E2F3: variants seen among roughly 807,000 people sequenced by gnomAD.
The protein encoded by E2F3 is E2F transcription factor 3, also known as transcription factor E2F3.
Under a neutral mutation model 44.4 loss-of-function variants are expected in E2F3, and 11 were observed. The observed-to-expected ratio is 0.25, with a 90% CI of 0.16 to 0.41. The LOEUF (loss-of-function observed/expected upper bound fraction) is 0.41, where lower values mean the gene tolerates loss of function less well. Among genes scored for constraint, E2F3 ranks in the 10% least tolerant of loss-of-function variants. The probability of loss-of-function intolerance (pLI) is 1.00; values close to 1 mark genes in which losing one functional copy is unlikely to be tolerated. For synonymous variants in E2F3, 249 were observed against 253.0 expected, an observed-to-expected ratio of 0.98 and a Z score of 0.15; for missense variants, 487 against 583.6, an observed-to-expected ratio of 0.83 and a Z score of 1.70.
intron 1 of E2F3, among the ~76,000 whole-genome samples, chr6:20,439,723 G>A (rs890785173): frequency 5.9e-5 from 9 of 152,140 alleles, no homozygotes; most frequent in African/African-American, 2.2e-4. Flanking sequence ...TGTAGAGAGG[G>A]GTCTCACTAT....
chr6:20,478,319 G>C (rs1205415397), intron 1 of E2F3, among the ~76,000 whole-genome samples: 1 of 152,158 alleles, frequency 6.6e-6, no homozygotes, highest in Non-Finnish European at 1.5e-5. Context: ...ATTTTACCCT[G>C]TTTTGTACTA....
At chr6:20,469,595 T>C (rs1371143643) in intron 1 of E2F3, among the ~76,000 whole-genome samples, 1 of 152,220 alleles carries the variant, frequency 6.6e-6, no homozygotes, top group African/African-American at 2.4e-5. Flanking sequence ...GTCAGTGAGA[T>C]TGCTTTTCCT....
At chr6:20,429,844 T>C (rs1760340159) in intron 1 of E2F3, among the ~76,000 whole-genome samples, 1 of 152,102 alleles carries the variant, frequency 6.6e-6, no homozygotes, top group South Asian at 2.1e-4. Flanking sequence ...CAAATAATAA[T>C]AGATGGTTTT....
intron 1 of E2F3, among the ~76,000 whole-genome samples, chr6:20,444,126 C>T (rs1173203963): frequency 6.6e-6 from 1 of 152,100 alleles, no homozygotes; most frequent in Non-Finnish European, 1.5e-5. Flanking sequence ...GAGGCAGAGG[C>T]TGCAGTTAGC....
At chr6:20,483,140 G>C (rs970422455) in intron 4 of E2F3, among the ~76,000 whole-genome samples, 1 of 151,984 alleles carries the variant, frequency 6.6e-6, no homozygotes, top group Non-Finnish European at 1.5e-5. Context: ...TCACCAACTC[G>C]ATCCTATTAT....
At chr6:20,404,691 A>G (rs1205949293) in intron 1 of E2F3, among the ~76,000 whole-genome samples, 1 of 150,810 alleles carries the variant, frequency 6.6e-6, no homozygotes, top group African/African-American at 2.4e-5. Flanking sequence ...CTTGCTGGGC[A>G]TGTGTGATGT....
At position 20,402,997 on chromosome 6, in the gene E2F3, AGGGGGTGGGGGAGGGAGTAGTGAACTG is replaced by A. The variant is rs1561843302; in HGVS notation, c.393+376_393+402del. Among the ~76,000 whole-genome samples, 1 of 147,780 alleles carries A rather than the reference AGGGGGTGGGGGAGGGAGTAGTGAACTG, an allele frequency of 6.8e-6. No homozygotes were observed. Among genetic ancestry groups the A allele is most frequent in the Non-Finnish European group, 1.5e-5 (1 of 66,276 alleles). ...GAAGGGGTCACGCCCCGGATGGAGA[AGGGGGTGGGGGAGGGAGTAGTGAACTG>A]GGGTGTGGGGGGCTCTGAGGGGTTG... On this transcript the variant is annotated intron_variant, in intron 1 of 6. Coordinates refer to ENST00000346618, the MANE Select transcript of E2F3 (RefSeq NM_001949.5). This position sits in a 1 kb window ranked among gnomAD's most constrained non-coding sequence, Gnocchi z 5.6.
Position 20,401,892 on chromosome 6 carries a change from A to G in E2F3, c.-341A>G, listed in dbSNP as rs1759314867. 1 of 372,692 alleles carries G rather than the reference A, an allele frequency of 2.7e-6. No individual in the cohort carries two copies. Among genetic ancestry groups the G allele is most frequent in the Non-Finnish European group, 4.8e-6 (1 of 210,388 alleles). The allele number at this position is 372,692 out of a possible 1,614,324, so 23.1% of individuals were successfully genotyped here. On this transcript the variant is annotated 5_prime_UTR_variant, in exon 1 of 7. Coordinates refer to ENST00000346618, the MANE Select transcript of E2F3 (RefSeq NM_001949.5). ...CCGTATCCCTTCATTCATTGTCAGC[A>G]GCAGCTTCCTGGAGCCATTTTTCAG...
At chr6:20,440,097 C>T (rs1271867411) in intron 1 of E2F3, 2 of 152,170 alleles carry the variant, frequency 1.3e-5, no homozygotes, top group Admixed American at 1.3e-4. Flanking sequence ...CTTTGTCATA[C>T]TTTCTTGCAC....
chr6:20,465,820 T>C (rs1236213574), intron 1 of E2F3, among the ~76,000 whole-genome samples: 1 of 152,186 alleles, frequency 6.6e-6, no homozygotes, highest in African/African-American at 2.4e-5. Flanking sequence ...TATATATATA[T>C]ACCACAGTTT....
At chr6:20,447,459 GCTT>G (rs1253747860) in intron 1 of E2F3, among the ~76,000 whole-genome samples, 1 of 119,182 alleles carries the variant, frequency 8.4e-6, no homozygotes, top group African/African-American at 3.2e-5. Flanking sequence ...CCAAGCCACT[GCTT>G]CTTCTGCTTG....
At position 20,490,236 on chromosome 6, in the gene E2F3, T is replaced by A; in HGVS notation, c.1204T>A (p.Ser402Thr). 6.2e-7 allele frequency: 1 copy of A among 1,614,096 alleles called. No individual in the cohort carries two copies. Among genetic ancestry groups the A allele is most frequent in the Non-Finnish European group, 8.5e-7 (1 of 1,179,986 alleles). The change falls in exon 7 of 7, where the codon TCC becomes ACC. Residue 402 changes from serine to threonine, a missense_variant. By Grantham distance (58) the Ser-to-Thr change is moderately conservative. This residue lies in a region of E2F3 where 220 missense variants were observed against 261.7 expected (regional missense o/e 0.84). Coordinates refer to ENST00000346618, the MANE Select transcript of E2F3 (RefSeq NM_001949.5). The surrounding 1 kb of genome is among the most constrained non-coding windows in gnomAD (Gnocchi z 4.3). ...VSMGNLSPLA[S>T]PANLLQQTED... ...TATGGGAAACCTTTCTCCTCTGGCCTCCCCAGCCAACCTCTTACAGCAGAC... is the reference window on the plus strand; with the variant it reads ...TATGGGAAACCTTTCTCCTCTGGCCACCCCAGCCAACCTCTTACAGCAGAC...
At position 20,445,244 on chromosome 6, in the gene E2F3, T is replaced by C. The variant is rs571791166; in HGVS notation, c.394-34602T>C. ...AGAAAATTAGAATGTGTATATTTTC[T>C]CCCTTTTTTTTTTTTGAGACAGTCT... On this transcript the variant is annotated intron_variant, in intron 1 of 6. Coordinates refer to ENST00000346618, the MANE Select transcript of E2F3 (RefSeq NM_001949.5). 129 of 756,084 alleles carry C rather than the reference T, an allele frequency of 1.7e-4. No individual in the cohort carries two copies. In the African/African-American group the frequency reaches 2.5e-3, roughly 15 times the overall value. 46.8% of individuals were successfully genotyped at this position (756,084 alleles called of 1,614,324 possible). A position where few individuals can be genotyped will look rare whatever the true frequency, so the allele number is the denominator to read the frequency against.
chr6:20,483,649 TTCA>T (rs886402070), intron 4 of E2F3, among the ~76,000 whole-genome samples: 1 of 152,196 alleles, frequency 6.6e-6, no homozygotes, highest in Non-Finnish European at 1.5e-5. Flanking sequence ...AAACTTGCTC[TTCA>T]TCATCTCACT....
In E2F3 at chr6:20,402,178, A is replaced by C. The variant is rs1427063454; in HGVS notation, c.-55A>C. 6.7e-7 allele frequency: 1 copy of C among 1,502,134 alleles called. No homozygotes were observed. The highest frequency in any genetic ancestry group is 1.5e-5 in the African/African-American group (1 of 68,782). 93.1% of individuals were successfully genotyped at this position (1,502,134 alleles called of 1,614,324 possible). ...GAAACTCCGACTGCAAATAATAAAG[A>C]AATTGAAAACAATACATTAATATAC... On this transcript the variant is annotated 5_prime_UTR_variant, in exon 1 of 7. Transcript: ENST00000346618. This position sits in a 1 kb window ranked among gnomAD's most constrained non-coding sequence, Gnocchi z 5.6.
chr6:20,436,615 C>T (rs181097706), intron 1 of E2F3, among the ~76,000 whole-genome samples: 26 of 152,258 alleles, frequency 1.7e-4, no homozygotes, highest in Non-Finnish European at 3.2e-4. Flanking sequence ...GACGTTCTTC[C>T]TCTGTCTCTC....
At chr6:20,465,320 G>A (rs1281299600) in intron 1 of E2F3, among the ~76,000 whole-genome samples, 3 of 152,174 alleles carry the variant, frequency 2.0e-5, no homozygotes, top group Admixed American at 2.0e-4. Flanking sequence ...CTCCAAACTA[G>A]GGTAAATGTA....
At chr6:20,454,984 A>ATTT (rs895054848) in intron 1 of E2F3, among the ~76,000 whole-genome samples, 1 of 151,802 alleles carries the variant, frequency 6.6e-6, no homozygotes, top group African/African-American at 2.4e-5. Context: ...AGGGATCAGG[A>ATTT]TTTTTTTTTA....
chr6:20,402,306 TCGC>T lies in E2F3; in HGVS notation c.84_86del (p.Ala31del), dbSNP rs775820172. On this transcript the variant is annotated inframe_deletion, in exon 1 of 7. Coordinates refer to ENST00000346618, the MANE Select transcript of E2F3 (RefSeq NM_001949.5). The surrounding 1 kb of genome is among the most constrained non-coding windows in gnomAD (Gnocchi z 5.6). ...GGGGGTGGGGAGGGGGCGGCTGTCG[TCGC>T]CGCCGCCGCTGCAGCCTCCATGGAC... 3.7e-6 allele frequency: 6 copies of T among 1,606,590 alleles called. No homozygotes were observed. In the African/African-American group the frequency reaches 8.1e-5, roughly 22 times the overall value.
Sources: gnomAD v4.1 joint callset for allele counts (sites outside exome capture counted in the v4.1 genomes callset) on GRCh38, gnomAD v4.1.1 for gene constraint, gnomAD v4.1.1 regional missense constraint, Gnocchi (gnomAD v3.1) non-coding constraint, MANE v1.5 for transcripts, NCBI Gene and HGNC (gene_info 2026-07-23, HGNC 2026-07-21) for gene names.